Variants in ZDHHC20 observed in about 807,000 individuals in gnomAD.
The protein encoded by ZDHHC20 is palmitoyltransferase ZDHHC20.
Under a neutral mutation model 57.8 loss-of-function variants are expected in ZDHHC20, and 43 were observed. That is an observed-to-expected ratio of 0.74 (90% CI 0.58 to 0.96). The LOEUF (loss-of-function observed/expected upper bound fraction) is 0.96, where lower values mean the gene tolerates loss of function less well. Among genes scored for constraint, ZDHHC20 ranks in the 40% least tolerant of loss-of-function variants. The pLI is 0.00. For missense variants in ZDHHC20, 391 were observed against 441.1 expected, an observed-to-expected ratio of 0.89 and a Z score of 1.02; for synonymous variants, 157 against 153.0, an observed-to-expected ratio of 1.03 and a Z score of -0.19.
chr13:21,416,508 AAAC>A (rs914146695), intron 3 of ZDHHC20, among the ~76,000 whole-genome samples: 2 of 152,230 alleles, frequency 1.3e-5, no homozygotes, highest in African/African-American at 4.8e-5. Context: ...AGATGAATAA[AAAC>A]AACCATTGCC....
chr13:21,453,419 G>C (rs1487551152), intron 1 of ZDHHC20, among the ~76,000 whole-genome samples: 5 of 152,182 alleles, frequency 3.3e-5, no homozygotes, highest in Admixed American at 3.3e-4. Flanking sequence ...TAGAGGACTT[G>C]AATAACACTA....
intron 4 of ZDHHC20, among the ~76,000 whole-genome samples, chr13:21,410,140 C>G (rs1462680298): frequency 6.6e-6 from 1 of 152,140 alleles, no homozygotes; most frequent in Non-Finnish European, 1.5e-5. Context: ...ACAGTCAGGC[C>G]CCTCTTCTGC....
At chr13:21,458,790 G>A (rs1885137109) in intron 1 of ZDHHC20, among the ~76,000 whole-genome samples, 1 of 152,198 alleles carries the variant, frequency 6.6e-6, no homozygotes, top group Admixed American at 6.5e-5. Flanking sequence ...CGGGAACCAG[G>A]AAGCTCTTGG....
chr13:21,378,642 T>G lies in ZDHHC20; in HGVS notation c.*40+19A>C. ...AAATAAGCTGCATTTATTCAAGGAT[T>G]ACCTTTATACTGTCTTACCTTGCTC... On this transcript the variant is annotated intron_variant, in intron 12 of 12. Transcript: ENST00000400590. 7.8e-7 allele frequency: 1 copy of G among 1,276,302 alleles called. No homozygotes were observed. Among genetic ancestry groups the G allele is most frequent in the Non-Finnish European group, 1.0e-6 (1 of 976,356 alleles). 79.1% of individuals were successfully genotyped at this position (1,276,302 alleles called of 1,614,324 possible). A position where few individuals can be genotyped will look rare whatever the true frequency, so the allele number is the denominator to read the frequency against.
intron 2 of ZDHHC20, 107 bp from the exon 3 acceptor site, chr13:21,421,271 T>C (rs1880622111): frequency 1.3e-6 from 1 of 781,006 alleles, no homozygotes; most frequent in Admixed American, 2.6e-5. Flanking sequence ...CAATAAACAA[T>C]TAAATTAAAA....
rs745852265 is a variant in ZDHHC20 at position 21,421,200 on chromosome 13, C to T, written c.146-36G>A. Reference sequence around the variant, plus strand: ...AAAACAAATAACAGTTCATTGAATCCAGGTGAAAACAGCAAAAAGCATTAC... The same window carrying T: ...AAAACAAATAACAGTTCATTGAATCTAGGTGAAAACAGCAAAAAGCATTAC... On this transcript the variant is annotated intron_variant, in intron 2 of 12. Coordinates refer to ENST00000400590, the MANE Select transcript of ZDHHC20 (RefSeq NM_001330059.2). 1.3e-5 allele frequency: 20 copies of T among 1,535,538 alleles called. No individual in the cohort carries two copies. In the African/African-American group the frequency reaches 2.6e-4, roughly 20 times the overall value.
At chr13:21,390,118 A>G (rs981523778) in intron 8 of ZDHHC20, 1 of 152,214 alleles carries the variant, frequency 6.6e-6, no homozygotes, top group Non-Finnish European at 1.5e-5. Flanking sequence ...AAATGATCCA[A>G]TAACTAAAGC....
chr13:21,403,613 T>C (rs1434680034), intron 4 of ZDHHC20, among the ~76,000 whole-genome samples: 2 of 152,168 alleles, frequency 1.3e-5, no homozygotes, highest in East Asian at 1.9e-4. Context: ...TTTAGAAAGA[T>C]GTGAGAAAAA....
chr13:21,440,952 G>T (rs780458263), intron 1 of ZDHHC20, among the ~76,000 whole-genome samples: 1 of 152,062 alleles, frequency 6.6e-6, no homozygotes, highest in Non-Finnish European at 1.5e-5. Context: ...AAATTGGGCA[G>T]AAAGTAGAAA....
At chr13:21,381,620 C>A (rs1174373505) in intron 10 of ZDHHC20, 71 bp from the exon 11 acceptor site, 1 of 1,045,382 alleles carries the variant, frequency 9.6e-7, no homozygotes, top group Non-Finnish European at 1.4e-6. Context: ...AATTAATAAG[C>A]AGCAAATTAG....
chr13:21,433,548 C>T (rs777028690), intron 1 of ZDHHC20, among the ~76,000 whole-genome samples: 3 of 136,866 alleles, frequency 2.2e-5, no homozygotes, highest in Non-Finnish European at 3.0e-5. Context: ...ACCCAGAAGG[C>T]GGAGCTTGCA....
chr13:21,395,256 C>A (rs1038499296), intron 7 of ZDHHC20, among the ~76,000 whole-genome samples: 12 of 151,554 alleles, frequency 7.9e-5, no homozygotes, highest in Admixed American at 7.9e-4. Flanking sequence ...TTAGTAGATA[C>A]GGGGTTTCAC....
intron 9 of ZDHHC20, among the ~76,000 whole-genome samples, chr13:21,384,621 GA>G (rs926189602): frequency 6.6e-6 from 1 of 152,128 alleles, no homozygotes; most frequent in African/African-American, 2.4e-5. Flanking sequence ...TCCAGGAAAA[GA>G]ACAACTGGGA....
intron 1 of ZDHHC20, 31 bp downstream of exon 1, chr13:21,459,023 C>A: frequency 1.3e-6 from 2 of 1,546,520 alleles, no homozygotes; most frequent in Admixed American, 1.8e-5. Flanking sequence ...GCGGCCCGCG[C>A]CCCGCCGCAG....
intron 1 of ZDHHC20, among the ~76,000 whole-genome samples, chr13:21,442,918 A>T (rs1883326113): frequency 6.6e-6 from 1 of 152,204 alleles, no homozygotes; most frequent in African/African-American, 2.4e-5. Context: ...AGAAATCTAC[A>T]TGGATGCTGT....
intron 4 of ZDHHC20, among the ~76,000 whole-genome samples, chr13:21,410,312 G>A (rs1176798745): frequency 6.6e-6 from 1 of 152,188 alleles, no homozygotes; most frequent in African/African-American, 2.4e-5. Context: ...CCTGTATGAG[G>A]TGTCTCCCAG....
chr13:21,381,353 A>G (rs1873372395), intron 11 of ZDHHC20, 81 bp downstream of exon 11: 2 of 1,110,464 alleles, frequency 1.8e-6, no homozygotes, highest in South Asian at 1.4e-5. Flanking sequence ...ATGTTACATT[A>G]TTTTGATTTT....
chr13:21,423,091 C>A (rs1880825616), intron 2 of ZDHHC20, among the ~76,000 whole-genome samples: 1 of 152,174 alleles, frequency 6.6e-6, no homozygotes. Flanking sequence ...AGAATTCAAA[C>A]TCATATCTGT....
chr13:21,409,114 T>C (rs1003417155), intron 4 of ZDHHC20, among the ~76,000 whole-genome samples: 37 of 152,238 alleles, frequency 2.4e-4, no homozygotes, highest in African/African-American at 8.7e-4. Flanking sequence ...AGGATGATGC[T>C]GGCCTCATAA....
Sources: gnomAD v4.1 joint callset for allele counts (sites outside exome capture counted in the v4.1 genomes callset) on GRCh38, gnomAD v4.1.1 for gene constraint, MANE v1.5 for transcripts, NCBI Gene and HGNC (gene_info 2026-07-23, HGNC 2026-07-21) for gene names.